The following ADARB2 variants were observed in gnomAD, a reference collection of about 807,000 sequenced individuals.
ADARB2 encodes inactive double-stranded RNA-specific editase B2.
A neutral mutation model predicts 62.2 loss-of-function variants in ADARB2; 25 were observed. The observed-to-expected ratio is 0.40, with a 90% CI of 0.29 to 0.56. The LOEUF (loss-of-function observed/expected upper bound fraction) is 0.56. Ranked by LOEUF, ADARB2 falls within the 20% of genes least tolerant of loss-of-function variation. ADARB2 has a pLI of 0.43. For missense variants in ADARB2, 1,071 were observed against 1,077.4 expected (o/e 0.99, Z 0.08); for synonymous variants, 572 against 500.8 (o/e 1.14, Z -1.90).
At chr10:1,408,321 T>A (rs1298735675) in intron 1 of ADARB2, among the ~76,000 whole-genome samples, 1 of 152,216 alleles carries the variant, frequency 6.6e-6, no homozygotes, top group East Asian at 1.9e-4. Flanking sequence ...TTGCTGGATA[T>A]ACAGGGAGCA....
At chr10:1,352,815 A>T (rs1050022794) in intron 3 of ADARB2, among the ~76,000 whole-genome samples, 2 of 152,054 alleles carry the variant, frequency 1.3e-5, no homozygotes, top group Admixed American at 6.6e-5. Context: ...ATTATTCCAG[A>T]TACCACACCT....
At chr10:1,503,051 G>A (rs1445532209) in intron 1 of ADARB2, among the ~76,000 whole-genome samples, 5 of 152,130 alleles carry the variant, frequency 3.3e-5, no homozygotes, top group East Asian at 1.9e-4. Flanking sequence ...CTAAACACAC[G>A]TATCATATGC....
chr10:1,236,623 T>TC (rs1295701406), intron 5 of ADARB2, among the ~76,000 whole-genome samples: 1 of 2,222 alleles, frequency 4.5e-4, no homozygotes, highest in Non-Finnish European at 1.1e-3. Flanking sequence ...CGGTGTTTAC[T>TC]CCCCTCTCCC....
intron 3 of ADARB2, among the ~76,000 whole-genome samples, chr10:1,284,068 C>T (rs903990397): frequency 1.1e-4 from 16 of 152,108 alleles, no homozygotes; most frequent in South Asian, 6.2e-4. Flanking sequence ...TGTAGGGTCT[C>T]GATTCCAGGC....
At chr10:1,558,402 T>C in intron 1 of ADARB2, among the ~76,000 whole-genome samples, 1 of 129,714 alleles carries the variant, frequency 7.7e-6, no homozygotes, top group African/African-American at 3.1e-5. Context: ...ATCCCACCTC[T>C]GCCCCCCTCC....
intron 1 of ADARB2, among the ~76,000 whole-genome samples, chr10:1,655,018 C>T (rs532638712): frequency 3.3e-5 from 5 of 152,310 alleles, no homozygotes; most frequent in East Asian, 1.9e-4. Context: ...GGTGAGGACG[C>T]GGTCGGGAGG....
At chr10:1,496,856 G>A (rs181647700) in intron 1 of ADARB2, among the ~76,000 whole-genome samples, 4 of 152,220 alleles carry the variant, frequency 2.6e-5, no homozygotes, top group East Asian at 3.9e-4. Context: ...GGAGAGCAAC[G>A]CACACTGGGC....
intron 3 of ADARB2, among the ~76,000 whole-genome samples, chr10:1,274,185 C>T (rs893415764): frequency 4.6e-5 from 7 of 152,372 alleles, no homozygotes; most frequent in Admixed American, 6.5e-5. Flanking sequence ...AGGGCAGCAC[C>T]GATCAGCATT....
intron 1 of ADARB2, among the ~76,000 whole-genome samples, chr10:1,408,602 C>T (rs1031841106): frequency 2.6e-5 from 4 of 152,156 alleles, no homozygotes; most frequent in Non-Finnish European, 4.4e-5. Flanking sequence ...CCTTGCCAGC[C>T]GTGAGTGCAA....
At chr10:1,463,420 A>G (rs1349083144) in intron 1 of ADARB2, among the ~76,000 whole-genome samples, 1 of 152,188 alleles carries the variant, frequency 6.6e-6, no homozygotes, top group Admixed American at 6.5e-5. Context: ...TCCATGATGC[A>G]GATGCAGACA....
intron 1 of ADARB2, among the ~76,000 whole-genome samples, chr10:1,530,422 C>G (rs1461592739): frequency 1.3e-5 from 2 of 152,206 alleles, no homozygotes; most frequent in African/African-American, 2.4e-5. Context: ...TCACTTCGTC[C>G]TCCTTTCTCC....
chr10:1,490,294 A>T (rs926106124), intron 1 of ADARB2, among the ~76,000 whole-genome samples: 66 of 152,302 alleles, frequency 4.3e-4, no homozygotes, highest in African/African-American at 1.5e-3. Flanking sequence ...ACTATAGATT[A>T]TATGGAAATA....
chr10:1,184,738 G>T, intron 9 of ADARB2, 123 bp downstream of exon 9: 1 of 1,110,426 alleles, frequency 9.0e-7, no homozygotes, highest in Non-Finnish European at 1.2e-6. Context: ...GACATGTGAT[G>T]GGCGCTGTGT....
chr10:1,326,523 C>T (rs944505600), intron 3 of ADARB2, among the ~76,000 whole-genome samples: 11 of 152,224 alleles, frequency 7.2e-5, no homozygotes, highest in African/African-American at 2.7e-4. Context: ...ATTTCTGTCA[C>T]TGTTTTTATA....
intron 1 of ADARB2, among the ~76,000 whole-genome samples, chr10:1,651,088 C>G (rs1220147054): frequency 6.6e-6 from 1 of 152,238 alleles, no homozygotes; most frequent in Non-Finnish European, 1.5e-5. Context: ...GGCCCGGCTT[C>G]TGTGTGGCTT....
At chr10:1,212,287 GC>G (rs1471620944) in intron 7 of ADARB2, among the ~76,000 whole-genome samples, 1 of 152,208 alleles carries the variant, frequency 6.6e-6, no homozygotes, top group Non-Finnish European at 1.5e-5. Context: ...ATAATGCACG[GC>G]CCAGATGCTT....
Position 1,354,259 on chromosome 10 carries a change from C to T in ADARB2, c.1077+8769G>A, listed in dbSNP as rs11250445. Among the ~76,000 whole-genome samples the T allele has an allele frequency of 5.9e-3, 902 of 152,300 alleles. 6 individuals are homozygous for T. The highest frequency in any genetic ancestry group is 0.02 in the African/African-American group (844 of 41,546). On this transcript the variant is annotated intron_variant, in intron 3 of 9. Coordinates refer to ENST00000381312, the MANE Select transcript of ADARB2 (RefSeq NM_018702.4). ...AGCCCAAGCTAAGCCATCATATTCG[C>T]TGTGACCTGCAGGTACACATCCATC...
chr10:1,725,345 G>C (rs909776990), intron 1 of ADARB2, among the ~76,000 whole-genome samples: 2 of 152,156 alleles, frequency 1.3e-5, no homozygotes, highest in Admixed American at 6.5e-5. Context: ...CTCCATCATG[G>C]GTAGGGGGGC....
In ADARB2 at chr10:1,185,107, G is replaced by A. The variant is rs528006568; in HGVS notation, c.1865-68C>T. 183 of 1,533,666 alleles carry A rather than the reference G, an allele frequency of 1.2e-4. 1 individual carries two copies. In the South Asian group the frequency reaches 2.2e-3, roughly 19 times the overall value. ...CTCACACGGGGCTCCCCCAAGGGCA[G>A]CTGCGGGGAAATGGAGCCTGTATGT... On this transcript the variant is annotated intron_variant, in intron 8 of 9. Transcript: ENST00000381312.
Sources: allele counts gnomAD v4.1 joint callset (sites outside exome capture counted in the v4.1 genomes callset), GRCh38; gene constraint gnomAD v4.1.1; transcripts MANE v1.5; gene names NCBI Gene and HGNC (gene_info 2026-07-23, HGNC 2026-07-21).